VPS13B: variants seen among roughly 807,000 people sequenced by gnomAD.
VPS13B encodes the protein vacuolar protein sorting 13 homolog B.
Under a neutral mutation model 426.4 loss-of-function variants are expected in VPS13B, and 285 were observed. The observed-to-expected ratio is 0.67, with a 90% CI of 0.61 to 0.74. The LOEUF is 0.74. Among genes scored for constraint, VPS13B ranks in the 30% least tolerant of loss-of-function variants. The pLI is 0.00. For missense variants in VPS13B, 4,537 were observed against 4,782.6 expected, an observed-to-expected ratio of 0.95 and a Z score of 1.51; for synonymous variants, 1,676 against 1,676.4, an observed-to-expected ratio of 1.00 and a Z score of 0.01.
At chr8:99,818,938 A>T in intron 47 of VPS13B, 50 bp downstream of exon 47, 1 of 915,912 alleles carries the variant, frequency 1.1e-6, no homozygotes, top group Non-Finnish European at 1.6e-6. Flanking sequence ...GGAGAAATTA[A>T]GTAGAAAAGT....
Position 99,569,044 on chromosome 8 carries a change from G to A in VPS13B, c.4950-6614G>A, listed in dbSNP as rs1262352286. Among the ~76,000 whole-genome samples, 7 of 151,334 alleles carry A rather than the reference G, an allele frequency of 4.6e-5. No individual in the cohort carries two copies. In the East Asian group the frequency reaches 1.2e-3, roughly 25 times the overall value. ...TCACCATGTTAGCCAGGATGGTCTC[G>A]ATCTCCTGACCTCGTGATCCGCCTG... On this transcript the variant is annotated intron_variant, in intron 31 of 61. Transcript: ENST00000357162.
At chr8:99,175,654 G>T (rs771381693) in intron 16 of VPS13B, among the ~76,000 whole-genome samples, 30 of 152,112 alleles carry the variant, frequency 2.0e-4, no homozygotes, top group Non-Finnish European at 3.8e-4. Context: ...CTGTTTAGGA[G>T]GCTGAGGTGG....
chr8:99,253,094 A>G (rs1440110855), intron 17 of VPS13B, among the ~76,000 whole-genome samples: 1 of 152,070 alleles, frequency 6.6e-6, no homozygotes, highest in Non-Finnish European at 1.5e-5. Flanking sequence ...GGAATATGTA[A>G]TCTTTTGTAT....
chr8:99,632,809 C>G (rs1350426962), intron 33 of VPS13B, among the ~76,000 whole-genome samples: 1 of 151,962 alleles, frequency 6.6e-6, no homozygotes, highest in African/African-American at 2.4e-5. Flanking sequence ...TAAATATGAT[C>G]TATACAAAGT....
chr8:99,261,748 T>G (rs550962490), intron 17 of VPS13B, among the ~76,000 whole-genome samples: 78 of 152,340 alleles, frequency 5.1e-4, no homozygotes, highest in African/African-American at 1.9e-3. Context: ...AGGTTAATTC[T>G]TATTAGTAAT....
rs1304410780 is a variant in VPS13B, at chr8:99,038,506, A to G, written c.231A>G (p.Glu77=). The G allele has an allele frequency of 3.1e-6, 5 of 1,612,640 alleles. No individual in the cohort carries two copies. The East Asian group carries it at 8.9e-5, about 29-fold the overall frequency. ...IHVPWTKLGS[E]PVVITINTME... is the part of the protein sequence containing the mutation. Reference sequence around the variant, plus strand: ...TACCATGGACAAAACTGGGTTCAGAACCAGTGGTAATTACCATCAATACTA... The same window carrying G: ...TACCATGGACAAAACTGGGTTCAGAGCCAGTGGTAATTACCATCAATACTA... Residue 77 remains glutamate, a synonymous_variant, in exon 3 of 62, where the codon GAA becomes GAG. Transcript: ENST00000357162.
chr8:99,321,214 T>C (rs1477495531), intron 19 of VPS13B, among the ~76,000 whole-genome samples: 1 of 145,498 alleles, frequency 6.9e-6, no homozygotes, highest in African/African-American at 2.5e-5. Context: ...CTTTTTCTTT[T>C]TTTTTTTTTT....
intron 36 of VPS13B, among the ~76,000 whole-genome samples, chr8:99,705,234 A>G (rs1314015914): frequency 1.3e-5 from 2 of 152,160 alleles, no homozygotes; most frequent in Non-Finnish European, 2.9e-5. Flanking sequence ...GAGGCATTCG[A>G]CAAAAAGTAG....
At chr8:99,595,024 C>T (rs142871495) in intron 33 of VPS13B, among the ~76,000 whole-genome samples, 3 of 152,088 alleles carry the variant, frequency 2.0e-5, no homozygotes, top group African/African-American at 4.8e-5. Context: ...TTGAAAGACA[C>T]TTGCATTTTC....
At chr8:99,503,046 A>G in intron 27 of VPS13B, 96 bp downstream of exon 27, 1 of 893,248 alleles carries the variant, frequency 1.1e-6, no homozygotes, top group Non-Finnish European at 1.8e-6. Flanking sequence ...GGTTATTAAA[A>G]TAAATACTAT....
intron 19 of VPS13B, among the ~76,000 whole-genome samples, chr8:99,275,852 C>T (rs1327611237): frequency 6.6e-6 from 1 of 152,066 alleles, no homozygotes; most frequent in African/African-American, 2.4e-5. Flanking sequence ...AGGTAGAGAT[C>T]ACTATCAGCC....
At chr8:99,474,183 ATT>A (rs34752686) in intron 24 of VPS13B, among the ~76,000 whole-genome samples, 7 of 124,960 alleles carry the variant, frequency 5.6e-5, no homozygotes, top group East Asian at 2.3e-4. Context: ...CTGTTATCCA[ATT>A]TTTTTTTTTT....
rs1333852367 is a variant in VPS13B, at chr8:99,442,468, C to T, written c.3278C>T (p.Ser1093Phe). The T allele has an allele frequency of 6.2e-7, 1 of 1,613,984 alleles. No individual in the cohort carries two copies. The highest frequency in any genetic ancestry group is 1.1e-5 in the South Asian group (1 of 91,086). The change falls in exon 23 of 62, where the codon TCT (serine) becomes TTT (phenylalanine). Residue 1093 changes from serine to phenylalanine, a missense_variant. Ser to Phe is a radical substitution (Grantham distance 155, BLOSUM62 -2). Around this residue, in one of 2 missense-constraint regions of VPS13B, gnomAD observed 4,311 missense variants for 4,474.3 expected, o/e 0.96. Transcript: ENST00000357162. Reference protein sequence around the residue: ...DSLPSPSTIVSGDIPGTVRSW... With the variant: ...DSLPSPSTIVFGDIPGTVRSW... ...CTGCCTTCCCCAAGTACAATTGTAT[C>T]TGGTGACATTCCTGGAACAGTAAGA...
At chr8:99,053,139 T>A (rs2132271208) in intron 3 of VPS13B, among the ~76,000 whole-genome samples, 1 of 151,796 alleles carries the variant, frequency 6.6e-6, no homozygotes, top group South Asian at 2.1e-4. Context: ...ATTATTTATT[T>A]ATTTTTTATT....
intron 5 of VPS13B, among the ~76,000 whole-genome samples, 155 bp from the exon 6 acceptor site, chr8:99,110,943 A>G (rs942827166): frequency 1.3e-5 from 2 of 151,994 alleles, no homozygotes; most frequent in Non-Finnish European, 2.9e-5. Flanking sequence ...TAAAATGAAA[A>G]GTTCATTGCA....
intron 44 of VPS13B, among the ~76,000 whole-genome samples, chr8:99,812,621 A>T (rs1394591107): frequency 1.3e-5 from 2 of 152,156 alleles, no homozygotes; most frequent in Non-Finnish European, 2.9e-5. Flanking sequence ...TGACCACAGA[A>T]AATTTTGTGG....
At chr8:99,322,536 G>T (rs1222130791) in intron 19 of VPS13B, among the ~76,000 whole-genome samples, 2 of 152,174 alleles carry the variant, frequency 1.3e-5, no homozygotes, top group Admixed American at 6.5e-5. Flanking sequence ...TTAATTTGAG[G>T]GTTGGTCATT....
At chr8:99,637,077 C>T (rs1049942086) in intron 33 of VPS13B, among the ~76,000 whole-genome samples, 9 of 152,028 alleles carry the variant, frequency 5.9e-5, no homozygotes, top group Middle Eastern at 3.2e-3. Flanking sequence ...CTATTTTTGA[C>T]AACTTAAATT....
At chr8:99,832,035 C>T (rs1443781661) in intron 51 of VPS13B, among the ~76,000 whole-genome samples, 1 of 152,040 alleles carries the variant, frequency 6.6e-6, no homozygotes, top group African/African-American at 2.4e-5. Context: ...CCAAGGTGGG[C>T]GGATCACTTG....
Sources: gnomAD v4.1 joint callset for allele counts (sites outside exome capture counted in the v4.1 genomes callset) on GRCh38, gnomAD v4.1.1 for gene constraint, gnomAD v4.1.1 regional missense constraint, MANE v1.5 for transcripts, NCBI Gene and HGNC (gene_info 2026-07-23, HGNC 2026-07-21) for gene names.